Variants in STX10 observed in about 807,000 individuals in gnomAD.
STX10 encodes the protein syntaxin-10.
Under a neutral mutation model 34.1 loss-of-function variants are expected in STX10, and 35 were observed. The observed-to-expected ratio is 1.03, with a 90% confidence interval of 0.78 to 1.36. The LOEUF (loss-of-function observed/expected upper bound fraction) is 1.36. STX10 is among the 40% of genes most tolerant of loss of function. The probability of loss-of-function intolerance (pLI) is 0.00; values close to 1 mark genes in which losing one functional copy is unlikely to be tolerated. For synonymous variants in STX10, 155 were observed against 132.9 expected (o/e 1.17, Z -1.15); for missense variants, 361 against 335.5 (o/e 1.08, Z -0.59).
rs2019853760 is a variant in STX10, at chr19:13,144,638, G to A, written c.612C>T (p.His204=). 2.5e-6 allele frequency: 4 copies of A among 1,614,184 alleles called. No individual in the cohort carries two copies. Among genetic ancestry groups the A allele is most frequent in the Non-Finnish European group, 3.4e-6 (4 of 1,180,032 alleles). Residue 204 remains histidine, a synonymous_variant, in exon 7 of 8, where the codon CAC becomes CAT. Coordinates refer to ENST00000587230, the MANE Select transcript of STX10 (RefSeq NM_003765.3). ...GGACCCCGTCCATGCGGGACTGGGT[G>A]TGGTCCATCTCTTGGGCGAAGGCAT... ...MLDAFAQEMD[H]TQSRMDGVLR...
In STX10 at chr19:13,144,801, A is replaced by C; in HGVS notation, c.541T>G (p.Ser181Ala). The C allele has an allele frequency of 6.2e-7, 1 of 1,614,002 alleles. No individual in the cohort carries two copies. The highest frequency in any genetic ancestry group is 8.5e-7 in the Non-Finnish European group (1 of 1,180,004). The part of the protein sequence containing the change: ...SGSIQVLKHM[S>A]GRVGEELDEQ... ...TCCAGCTCTTCTCCAACGCGGCCGG[A>C]CATGTGCTTCAGAACCTGGATGCTC... The change falls in exon 6 of 8, where the codon TCC becomes GCC. Residue 181 changes from serine to alanine, a missense_variant. By Grantham distance (99) the Ser-to-Ala change is moderately conservative (BLOSUM62 1). Transcript: ENST00000587230.
At chr19:13,149,619 C>A in intron 2 of STX10, 26 bp from the exon 3 acceptor site, 1 of 1,613,558 alleles carries the variant, frequency 6.2e-7, no homozygotes, top group Non-Finnish European at 8.5e-7. Context: ...AGGGTCAAGG[C>A]CGGAGCCAGA....
Position 13,145,385 on chromosome 19 carries a change from C to T in STX10, c.374G>A (p.Gly125Asp). Residue 125 changes from glycine to aspartate, a missense_variant, in exon 5 of 8, where the codon GGC (glycine) becomes GAC (aspartate). Gly to Asp is a moderately conservative substitution (Grantham distance 94). Transcript: ENST00000587230. ...LERNNREILA[G>D]KPAAQKSPSD... is the part of the protein sequence containing the mutation. ...GGGTGACTTCTGGGCAGCTGGCTTG[C>T]CTGCGAGTATCTGCAGGGGCACACA... 6.2e-7 allele frequency: 1 copy of T among 1,610,702 alleles called. No individual in the cohort carries two copies.
Position 13,150,126 on chromosome 19 carries a change from C to T in STX10, c.35+13G>A. The stretch of plus-strand genomic sequence containing the variant: ...CAGAGCACCCTCCGCCCTCCCCCGT[C>T]GTTGTCACTCACCCTCGGACTACAA... On this transcript the variant is annotated intron_variant, in intron 1 of 7. Transcript: ENST00000587230. The surrounding 1 kb of genome is among the most constrained non-coding windows in gnomAD (Gnocchi z 4.0). 1.7e-6 allele frequency: 2 copies of T among 1,169,250 alleles called. No individual in the cohort carries two copies. Among genetic ancestry groups the T allele is most frequent in the Non-Finnish European group, 2.5e-6 (2 of 788,894 alleles). 72.4% of individuals were successfully genotyped at this position (1,169,250 alleles called of 1,614,324 possible). A position where few individuals can be genotyped will look rare whatever the true frequency, so the allele number is the denominator to read the frequency against.
At chr19:13,146,488 G>A (rs2019902294) in intron 4 of STX10, among the ~76,000 whole-genome samples, 1 of 151,952 alleles carries the variant, frequency 6.6e-6, no homozygotes, top group South Asian at 2.1e-4. Context: ...ACCTGCCTCA[G>A]CCTCCCAAAG....
Position 13,149,724 on chromosome 19 carries a change from A to C in STX10, c.205+4T>G, listed in dbSNP as rs766142090. The C allele has an allele frequency of 3.1e-6, 5 of 1,613,012 alleles. No individual in the cohort carries two copies. The highest frequency in any genetic ancestry group is 4.2e-6 in the Non-Finnish European group (5 of 1,179,086). On this transcript the variant is annotated splice_donor_region_variant and intron_variant, in intron 2 of 7. Transcript: ENST00000587230. ...CCACCCTCTGCCACAAAGCCCCAGG[A>C]TATCGATGGTCTCTTCCAGGTCCTC...
In STX10 at chr19:13,144,428, G is replaced by C; in HGVS notation, c.732C>G (p.Ile244Met). ...VLVGVLLLVL[I>M]LLFSL Reference sequence around the variant, plus strand: ...GCTGGGGTCAGAGAGAGAATAGTAAGATGAGAACGAGGAGAAGCACCCCCA... The same window carrying C: ...GCTGGGGTCAGAGAGAGAATAGTAACATGAGAACGAGGAGAAGCACCCCCA... Residue 244 changes from isoleucine (I) to methionine (M), a missense_variant, in exon 8 of 8, where the codon ATC becomes ATG. Transcript: ENST00000587230. 6.2e-7 allele frequency: 1 copy of C among 1,611,512 alleles called. No individual in the cohort carries two copies. Among genetic ancestry groups the C allele is most frequent in the Non-Finnish European group, 8.5e-7 (1 of 1,179,278 alleles).
In STX10 at chr19:13,149,572, C is replaced by G; in HGVS notation, c.227G>C (p.Gly76Ala). ...GTCCCCGGCTGGGAGCTTGAACTTGCCTGGGTTGGCTTCCACTATACGTGG... is the reference window on the plus strand; with the variant it reads ...GTCCCCGGCTGGGAGCTTGAACTTGGCTGGGTTGGCTTCCACTATACGTGG... ...ETIGIVEANP[G>A]KFKLPAGDLQ... Residue 76 changes from glycine (G) to alanine (A), a missense_variant, in exon 3 of 8, where the codon GGC becomes GCC. By Grantham distance (60) the Gly-to-Ala change is moderately conservative. Coordinates refer to ENST00000587230, the MANE Select transcript of STX10 (RefSeq NM_003765.3). 1 of 1,614,116 alleles carries G rather than the reference C, an allele frequency of 6.2e-7. No individual in the cohort carries two copies. The highest frequency in any genetic ancestry group is 8.5e-7 in the Non-Finnish European group (1 of 1,180,014).
rs1364512171 is a variant in STX10, at chr19:13,150,197, G to A, written c.-24C>T. 3.3e-6 allele frequency: 3 copies of A among 922,038 alleles called. No individual in the cohort carries two copies. The highest frequency in any genetic ancestry group is 3.5e-6 in the Non-Finnish European group (2 of 576,714). 57.1% of individuals were successfully genotyped at this position (922,038 alleles called of 1,614,324 possible). On this transcript the variant is annotated 5_prime_UTR_variant, in exon 1 of 8. Coordinates refer to ENST00000587230, the MANE Select transcript of STX10 (RefSeq NM_003765.3). This position sits in a 1 kb window ranked among gnomAD's most constrained non-coding sequence, Gnocchi z 4.0. ...ATGTCAGTCCCTTCCCCCCCAGGCC[G>A]AACCCCCCTCCCGGCCTGGGTTCGC...
Position 13,149,827 on chromosome 19 carries a change from C to T in STX10, c.106G>A (p.Ala36Thr), listed in dbSNP as rs2020014435. The T allele has an allele frequency of 6.2e-7, 1 of 1,613,714 alleles. No individual in the cohort carries two copies. The highest frequency in any genetic ancestry group is 1.3e-5 in the African/African-American group (1 of 75,068). ...TCCAGCTCCTCGCGTCCGACCGCCGCGCTTTCCTGCAGGAGCTCGCACCAG... is the reference window on the plus strand; with the variant it reads ...TCCAGCTCCTCGCGTCCGACCGCCGTGCTTTCCTGCAGGAGCTCGCACCAG... ...QRWCELLQES[A>T]AVGREELDWT... The change falls in exon 2 of 8, where the codon GCG (alanine) becomes ACG (threonine). Residue 36 changes from alanine to threonine, a missense_variant. By Grantham distance (58) the Ala-to-Thr change is moderately conservative. Coordinates refer to ENST00000587230, the MANE Select transcript of STX10 (RefSeq NM_003765.3).
chr19:13,149,358 G>A (rs958376523), intron 3 of STX10, 141 bp downstream of exon 3: 27 of 759,276 alleles, frequency 3.6e-5, no homozygotes, highest in Middle Eastern at 6.2e-4. Context: ...GTTGCAGTGA[G>A]CCGAGATTGC....
At position 13,150,155 on chromosome 19, in the gene STX10, A is replaced by T; in HGVS notation, c.19T>A (p.Phe7Ile). The stretch of plus-strand genomic sequence containing the variant: ...GTCACTCACCCTCGGACTACAAAAA[A>T]GGGGTCTTCGAGAGACATGTCAGTC... The part of the protein sequence containing the change: MSLEDP[F>I]FVVRGEVQKA... The change falls in exon 1 of 8, where the codon TTT becomes ATT. Residue 7 changes from phenylalanine (F) to isoleucine (I), a missense_variant. Phe to Ile is a conservative substitution (Grantham distance 21). Transcript: ENST00000587230. The surrounding 1 kb of genome is among the most constrained non-coding windows in gnomAD (Gnocchi z 4.0). The T allele has an allele frequency of 3.4e-6, 4 of 1,193,362 alleles. No homozygotes were observed. The highest frequency in any genetic ancestry group is 4.9e-6 in the Non-Finnish European group (4 of 808,730). The allele number at this position is 1,193,362 out of a possible 1,614,324, so 73.9% of individuals were successfully genotyped here.
In STX10 at chr19:13,149,042, C is replaced by G. The variant is rs1445921351; in HGVS notation, c.350G>C (p.Arg117Thr). The G allele has an allele frequency of 6.2e-7, 1 of 1,603,092 alleles. No homozygotes were observed. The highest frequency in any genetic ancestry group is 1.3e-5 in the African/African-American group (1 of 74,672). ...AGGAAGGCTTACCTCTCTGTTATTC[C>G]TCTCCAAAAATGCTACGGCTGTTGG... is the stretch of plus-strand genomic sequence containing the variant. ...VSPTAVAFLERNNREILAGKP... is the reference protein window; with the variant it reads ...VSPTAVAFLETNNREILAGKP... The change falls in exon 4 of 8, where the codon AGG (arginine) becomes ACG (threonine). Residue 117 changes from arginine to threonine, a missense_variant. Transcript: ENST00000587230.
chr19:13,144,474 C>A lies in STX10; in HGVS notation c.686G>T (p.Trp229Leu). 1 of 1,613,520 alleles carries A rather than the reference C, an allele frequency of 6.2e-7. No individual in the cohort carries two copies. ...CCCCACTAGCACGGCGATGGCACAC[C>A]ACTGTCGGCGGTCTGGGAACGAGAA... is the stretch of plus-strand genomic sequence containing the variant. ...VSHMTSDRRQ[W>L]CAIAVLVGVL... Residue 229 changes from tryptophan to leucine, a missense_variant, in exon 8 of 8, where the codon TGG becomes TTG. Transcript: ENST00000587230.
In STX10 at chr19:13,149,742, A is replaced by G; in HGVS notation, c.191T>C (p.Leu64Pro). ...CCCCAGGATATCGATGGTCTCTTCCAGGTCCTCGAGGTCCCACTCGATGCT... is the reference window on the plus strand; with the variant it reads ...CCCCAGGATATCGATGGTCTCTTCCGGGTCCTCGAGGTCCCACTCGATGCT... Reference protein sequence around the residue: ...LRSIEWDLEDLEETIGIVEAN... With the variant: ...LRSIEWDLEDPEETIGIVEAN... The change falls in exon 2 of 8, where the codon CTG (leucine) becomes CCG (proline). Residue 64 changes from leucine (L) to proline (P), a missense_variant. Leu to Pro is a moderately conservative substitution (Grantham distance 98). Coordinates refer to ENST00000587230, the MANE Select transcript of STX10 (RefSeq NM_003765.3). 2.5e-6 allele frequency: 4 copies of G among 1,613,898 alleles called. No homozygotes were observed. The highest frequency in any genetic ancestry group is 3.4e-6 in the Non-Finnish European group (4 of 1,179,828).
intron 4 of STX10, 85 bp from the exon 5 acceptor site, chr19:13,145,480 G>C (rs947793089): frequency 1.9e-5 from 22 of 1,154,282 alleles, no homozygotes; most frequent in Admixed American, 1.4e-4. Flanking sequence ...TGGTAAGTCA[G>C]GGGGGCAGAC....
chr19:13,149,572 C>T lies in STX10; in HGVS notation c.227G>A (p.Gly76Asp), dbSNP rs1481176819. 5.0e-6 allele frequency: 8 copies of T among 1,613,998 alleles called. No homozygotes were observed. In the South Asian group the frequency reaches 7.7e-5, roughly 16 times the overall value. Residue 76 changes from glycine to aspartate, a missense_variant, in exon 3 of 8, where the codon GGC becomes GAC. Transcript: ENST00000587230. ...GTCCCCGGCTGGGAGCTTGAACTTG[C>T]CTGGGTTGGCTTCCACTATACGTGG... ...ETIGIVEANPGKFKLPAGDLQ... is the reference protein window; with the variant it reads ...ETIGIVEANPDKFKLPAGDLQ...
chr19:13,144,788 C>G lies in STX10; in HGVS notation c.554G>C (p.Gly185Ala). 1 of 1,614,004 alleles carries G rather than the reference C, an allele frequency of 6.2e-7. No individual in the cohort carries two copies. Among genetic ancestry groups the G allele is most frequent in the Non-Finnish European group, 8.5e-7 (1 of 1,180,006 alleles). The change falls in exon 6 of 8, where the codon GGA becomes GCA. Residue 185 changes from glycine to alanine, a missense_variant. Coordinates refer to ENST00000587230, the MANE Select transcript of STX10 (RefSeq NM_003765.3). ...CATGCCCTGCTCGTCCAGCTCTTCTCCAACGCGGCCGGACATGTGCTTCAG... is the reference window on the plus strand; with the variant it reads ...CATGCCCTGCTCGTCCAGCTCTTCTGCAACGCGGCCGGACATGTGCTTCAG... ...QVLKHMSGRV[G>A]EELDEQGIML...
Position 13,144,630 on chromosome 19 carries a change from G to A in STX10, c.620C>T (p.Ser207Phe). Residue 207 changes from serine (S) to phenylalanine (F), a missense_variant, in exon 7 of 8, where the codon TCC becomes TTC. By Grantham distance (155) the Ser-to-Phe change is radical (BLOSUM62 -2). Coordinates refer to ENST00000587230, the MANE Select transcript of STX10 (RefSeq NM_003765.3). ...CTTCCTGAGGACCCCGTCCATGCGG[G>A]ACTGGGTGTGGTCCATCTCTTGGGC... ...AFAQEMDHTQ[S>F]RMDGVLRKLA... The A allele has an allele frequency of 2.5e-6, 4 of 1,614,128 alleles. No individual in the cohort carries two copies. Among genetic ancestry groups the A allele is most frequent in the Non-Finnish European group, 3.4e-6 (4 of 1,180,014 alleles).
Sources: gnomAD v4.1 joint callset for allele counts (sites outside exome capture counted in the v4.1 genomes callset) on GRCh38, gnomAD v4.1.1 for gene constraint, Gnocchi (gnomAD v3.1) non-coding constraint, MANE v1.5 for transcripts, NCBI Gene and HGNC (gene_info 2026-07-23, HGNC 2026-07-21) for gene names.